Variants in NCAM2 observed in about 807,000 individuals in gnomAD.
NCAM2 encodes the protein N-CAM-2.
In NCAM2, 30 loss-of-function variants were observed where a neutral mutation model predicts 98.1. That is an observed-to-expected ratio of 0.31 (90% CI 0.23 to 0.41). The LOEUF (loss-of-function observed/expected upper bound fraction) is 0.41, where lower values mean the gene tolerates loss of function less well. Ranked by LOEUF, NCAM2 falls within the 10% of genes least tolerant of loss-of-function variation. NCAM2 has a pLI of 1.00. For synonymous variants in NCAM2, 368 were observed against 342.4 expected, an observed-to-expected ratio of 1.07 and a Z score of -0.83; for missense variants, 867 against 1,005.8, an observed-to-expected ratio of 0.86 and a Z score of 1.87.
chr21:21,249,008 A>C lies in NCAM2; in HGVS notation c.56-31570A>C, dbSNP rs73896628. On this transcript the variant is annotated intron_variant, in intron 1 of 17. Coordinates refer to ENST00000400546, the MANE Select transcript of NCAM2 (RefSeq NM_004540.5). Reference sequence around the variant, plus strand: ...GGGTTATAAAAATATCTTGAAGGTCAGATAATGCTAATGTTTGAGAAATGC... The same window carrying C: ...GGGTTATAAAAATATCTTGAAGGTCCGATAATGCTAATGTTTGAGAAATGC... 3.8e-3 allele frequency among the ~76,000 whole-genome samples: 576 copies of C among 152,164 alleles called. 5 individuals carry two copies. The highest frequency in any genetic ancestry group is 0.013 in the African/African-American group (549 of 41,528).
At chr21:21,226,829 C>T (rs1384663218) in intron 1 of NCAM2, 1 of 151,946 alleles carries the variant, frequency 6.6e-6, no homozygotes, top group Admixed American at 6.6e-5. Flanking sequence ...TCCATCTTCA[C>T]CTAGGAACAA....
intron 9 of NCAM2, among the ~76,000 whole-genome samples, chr21:21,382,518 T>G (rs1218282646): frequency 5.5e-5 from 3 of 54,344 alleles, no homozygotes; most frequent in African/African-American, 2.5e-4. Flanking sequence ...ATTTCAGGGA[T>G]TTTTTTTTTT....
At chr21:21,401,389 G>A (rs116286804) in intron 9 of NCAM2, among the ~76,000 whole-genome samples, 3,089 of 152,178 alleles carry the variant, frequency 0.02, 96 homozygotes, top group African/African-American at 0.071. Context: ...TCATCTTATT[G>A]GGTAATACAT....
chr21:21,100,606 T>C (rs1335525804), intron 1 of NCAM2, among the ~76,000 whole-genome samples: 1 of 152,072 alleles, frequency 6.6e-6, no homozygotes, highest in Non-Finnish European at 1.5e-5. Context: ...GGAAATCTTA[T>C]AAAAGACAAT....
At chr21:21,147,450 C>G (rs1341053457) in intron 1 of NCAM2, among the ~76,000 whole-genome samples, 2 of 151,732 alleles carry the variant, frequency 1.3e-5, no homozygotes, top group Admixed American at 6.6e-5. Flanking sequence ...TGCCCTGTCC[C>G]CTAGGCTGGA....
chr21:21,310,489 T>C (rs1223300551), intron 5 of NCAM2, among the ~76,000 whole-genome samples: 1 of 152,162 alleles, frequency 6.6e-6, no homozygotes, highest in East Asian at 1.9e-4. Flanking sequence ...AGGCATTCCT[T>C]GAAGAAGAGT....
intron 1 of NCAM2, among the ~76,000 whole-genome samples, chr21:21,261,758 T>C (rs954070180): frequency 6.6e-6 from 1 of 151,990 alleles, no homozygotes; most frequent in East Asian, 1.9e-4. Context: ...ATCAAAATGA[T>C]AGAAAGATCT....
At position 21,054,246 on chromosome 21, in the gene NCAM2, C is replaced by T. The variant is rs193131335; in HGVS notation, c.55+55628C>T. On this transcript the variant is annotated intron_variant, in intron 1 of 17. Transcript: ENST00000400546. The stretch of plus-strand genomic sequence containing the variant: ...TAATGTTACATATTAGGAACCTAGG[C>T]GTAAGTACAAATTTGTTGGTGAATA... Among the ~76,000 whole-genome samples the T allele has an allele frequency of 1.4e-3, 217 of 151,946 alleles. 1 individual carries two copies. The highest frequency in any genetic ancestry group is 5.2e-3 in the African/African-American group (215 of 41,512).
chr21:21,103,987 T>C (rs918182023), intron 1 of NCAM2, among the ~76,000 whole-genome samples: 2 of 152,130 alleles, frequency 1.3e-5, no homozygotes, highest in African/African-American at 4.8e-5. Flanking sequence ...GACTCAGGCT[T>C]ACCACTACAG....
intron 1 of NCAM2, among the ~76,000 whole-genome samples, chr21:21,226,177 C>G (rs2070374758): frequency 6.6e-6 from 1 of 151,888 alleles, no homozygotes; most frequent in Admixed American, 6.6e-5. Flanking sequence ...AGAAGGGAGG[C>G]AAAGGATGAA....
intron 8 of NCAM2, among the ~76,000 whole-genome samples, chr21:21,344,102 A>G (rs936789576): frequency 6.6e-6 from 1 of 152,164 alleles, no homozygotes; most frequent in African/African-American, 2.4e-5. Flanking sequence ...TCCATGTCTT[A>G]TCTCCCAAAC....
intron 16 of NCAM2, among the ~76,000 whole-genome samples, chr21:21,514,218 C>A (rs1234637848): frequency 6.6e-6 from 1 of 150,884 alleles, no homozygotes; most frequent in Non-Finnish European, 1.5e-5. Context: ...TTTTAACTGG[C>A]AAAATGTTGT....
rs990854274 is a variant in NCAM2 at position 21,363,277 on chromosome 21, C to A, written c.1045-10586C>A. Among the ~76,000 whole-genome samples the A allele has an allele frequency of 9.9e-5, 15 of 152,092 alleles. 2 individuals are homozygous for A. The highest frequency in any genetic ancestry group is 3.6e-4 in the African/African-American group (15 of 41,448). On this transcript the variant is annotated intron_variant, in intron 8 of 17. Coordinates refer to ENST00000400546, the MANE Select transcript of NCAM2 (RefSeq NM_004540.5). Reference sequence around the variant, plus strand: ...AGAACATTTTGGAGATTTATTGTGACATAACTACCTCTTTCTATGTTACTG... The same window carrying A: ...AGAACATTTTGGAGATTTATTGTGAAATAACTACCTCTTTCTATGTTACTG...
At chr21:21,300,281 C>T (rs917928089) in intron 5 of NCAM2, among the ~76,000 whole-genome samples, 1 of 151,898 alleles carries the variant, frequency 6.6e-6, no homozygotes, top group Non-Finnish European at 1.5e-5. Context: ...GTATGTTCAC[C>T]TTGAACCACG....
At chr21:21,247,727 A>G (rs1418971978) in intron 1 of NCAM2, among the ~76,000 whole-genome samples, 1 of 152,174 alleles carries the variant, frequency 6.6e-6, no homozygotes, top group African/African-American at 2.4e-5. Flanking sequence ...TTCTACTCAC[A>G]TCTGCTTTAT....
chr21:21,187,202 C>T (rs1462973213), intron 1 of NCAM2, among the ~76,000 whole-genome samples: 6 of 151,914 alleles, frequency 3.9e-5, no homozygotes, highest in Non-Finnish European at 8.8e-5. Flanking sequence ...CCAGGCTGGG[C>T]GACAGAGCGA....
intron 9 of NCAM2, among the ~76,000 whole-genome samples, chr21:21,385,931 T>C (rs180903651): frequency 3.3e-5 from 5 of 152,278 alleles, no homozygotes; most frequent in Non-Finnish European, 1.5e-5. Flanking sequence ...TTTTTTCTAT[T>C]TGAGCTTGCT....
intron 10 of NCAM2, among the ~76,000 whole-genome samples, chr21:21,412,293 G>A (rs1472307246): frequency 6.6e-6 from 1 of 152,120 alleles, no homozygotes; most frequent in Non-Finnish European, 1.5e-5. Context: ...AGTCCTGTTG[G>A]ATTAGGTCCC....
intron 9 of NCAM2, among the ~76,000 whole-genome samples, chr21:21,395,349 A>G (rs2076480121): frequency 6.6e-6 from 1 of 152,196 alleles, no homozygotes; most frequent in African/African-American, 2.4e-5. Context: ...CTCAAAGAAA[A>G]AAAAAGAAAA....
Sources: allele counts gnomAD v4.1 joint callset (sites outside exome capture counted in the v4.1 genomes callset), GRCh38; gene constraint gnomAD v4.1.1; transcripts MANE v1.5; gene names NCBI Gene and HGNC (gene_info 2026-07-23, HGNC 2026-07-21).